The following CATSPERT variants were observed in gnomAD, a reference collection of about 807,000 sequenced individuals.
CATSPERT encodes the protein cation channel sperm-associated targeting subunit tau.
At chr2:201,545,629 C>CAAAAAAAAAAAAAA in the CATSPERT span, 13 of 156,544 alleles carry the variant, frequency 8.3e-5, no homozygotes, top group African/African-American at 2.8e-4. Flanking sequence ...TTCCTAGAAG[C>CAAAAAAAAAAAAAA]AAAAAAAAAA....
the CATSPERT span, among the ~76,000 whole-genome samples, chr2:201,593,544 C>T: frequency 0.9 from 30,678 of 34,252 alleles, 13,995 homozygotes; most frequent in Non-Finnish European, 1. Context: ...CCTTGTTGAC[C>T]TTCTGTCTCA....
chr2:201,578,638 T>C, the CATSPERT span, among the ~76,000 whole-genome samples: 3 of 152,184 alleles, frequency 2.0e-5, no homozygotes. Flanking sequence ...TGAAATGTTA[T>C]ATTAGAATTG....
the CATSPERT span, among the ~76,000 whole-genome samples, chr2:201,522,599 A>G: frequency 6.6e-6 from 1 of 152,038 alleles, no homozygotes; most frequent in Non-Finnish European, 1.5e-5. Flanking sequence ...AGAGTGGCCC[A>G]CTCTCAACAT....
At chr2:201,489,389 C>T in the CATSPERT span, among the ~76,000 whole-genome samples, 10 of 151,904 alleles carry the variant, frequency 6.6e-5, no homozygotes, top group Admixed American at 6.6e-5. Context: ...ACCTTTTTTC[C>T]GAGTGTGTAG....
the CATSPERT span, chr2:201,551,052 C>A: frequency 6.6e-6 from 1 of 152,216 alleles, no homozygotes; most frequent in Admixed American, 6.5e-5. Context: ...ACAGTTGATT[C>A]TTGAGCAACA....
chr2:201,538,004 CTCTT>C, the CATSPERT span, among the ~76,000 whole-genome samples: 2 of 151,930 alleles, frequency 1.3e-5, no homozygotes, highest in Non-Finnish European at 2.9e-5. Flanking sequence ...CTTCGTTCAG[CTCTT>C]TCTTTTTTCT....
the CATSPERT span, among the ~76,000 whole-genome samples, chr2:201,522,675 A>T: frequency 2.0e-5 from 3 of 152,144 alleles, no homozygotes; most frequent in Non-Finnish European, 4.4e-5. Flanking sequence ...TGGCAGGGAG[A>T]GCTGCTTGGA....
chr2:201,537,812 T>G, the CATSPERT span, among the ~76,000 whole-genome samples: 1 of 151,924 alleles, frequency 6.6e-6, no homozygotes, highest in Non-Finnish European at 1.5e-5. Flanking sequence ...TAAAGGCATA[T>G]GAAATCAGAC....
chr2:201,492,997 T>C, the CATSPERT span: 2 of 1,536,520 alleles, frequency 1.3e-6, no homozygotes, highest in Non-Finnish European at 1.7e-6. Context: ...ATCAAAATCC[T>C]CTTGGAGTTC....
At chr2:201,493,057 A>G in the CATSPERT span, 1 of 1,536,292 alleles carries the variant, frequency 6.5e-7, no homozygotes, top group Admixed American at 2.0e-5. Flanking sequence ...TAGTCTTTCT[A>G]ATTCTTTTTC....
chr2:201,497,560 A>T, the CATSPERT span, among the ~76,000 whole-genome samples: 42 of 152,222 alleles, frequency 2.8e-4, no homozygotes, highest in Non-Finnish European at 4.9e-4. Context: ...TATTACAAGC[A>T]TGGACAAATG....
chr2:201,564,583 A>G, the CATSPERT span, among the ~76,000 whole-genome samples: 3 of 152,184 alleles, frequency 2.0e-5, no homozygotes, highest in East Asian at 3.9e-4. Context: ...ATGTGATGCT[A>G]TTTGGAGGAA....
chr2:201,532,128 TAA>T, the CATSPERT span, among the ~76,000 whole-genome samples: 1 of 152,208 alleles, frequency 6.6e-6, no homozygotes, highest in Non-Finnish European at 1.5e-5. Flanking sequence ...GGATTGGATA[TAA>T]GAGATGAGAG....
chr2:201,536,144 A>T, the CATSPERT span: 1 of 1,613,444 alleles, frequency 6.2e-7, no homozygotes, highest in African/African-American at 1.3e-5. Context: ...GTTCACCTAA[A>T]GGTGGTATTC....
At chr2:201,518,593 C>T in the CATSPERT span, among the ~76,000 whole-genome samples, 81,610 of 151,954 alleles carry the variant, frequency 0.54, 23,522 homozygotes, top group East Asian at 0.94. Context: ...CAGTGGTGTA[C>T]GAAAGGTGTG....
At chr2:201,547,108 C>T in the CATSPERT span, among the ~76,000 whole-genome samples, 1 of 152,002 alleles carries the variant, frequency 6.6e-6, no homozygotes, top group Admixed American at 6.6e-5. Context: ...CTAATTGCTG[C>T]CTAGGGCTAG....
chr2:201,551,270 A>C, the CATSPERT span, among the ~76,000 whole-genome samples: 1 of 151,332 alleles, frequency 6.6e-6, no homozygotes, highest in East Asian at 1.9e-4. Context: ...CATAAAATAT[A>C]CACAGATTTA....
the CATSPERT span, among the ~76,000 whole-genome samples, chr2:201,605,083 CAAACAT>C: frequency 8.0e-5 from 11 of 137,390 alleles, no homozygotes; most frequent in African/African-American, 2.7e-4. Context: ...CACACATACA[CAAACAT>C]ATATATGCAC....
At chr2:201,527,135 A>G in the CATSPERT span, among the ~76,000 whole-genome samples, 1 of 138,328 alleles carries the variant, frequency 7.2e-6, no homozygotes, top group Non-Finnish European at 1.6e-5. Context: ...TGAGAGCCAA[A>G]TCAAGAACAC....
Sources: allele counts gnomAD v4.1 joint callset (sites outside exome capture counted in the v4.1 genomes callset), GRCh38; gene constraint gnomAD v4.1.1; transcripts MANE v1.5; gene names NCBI Gene and HGNC (gene_info 2026-07-23, HGNC 2026-07-21).